The following PARD3B variants were observed in gnomAD, a reference collection of about 807,000 sequenced individuals.
PARD3B encodes partitioning defective 3 homolog B.
A neutral mutation model predicts 130.2 loss-of-function variants in PARD3B; 103 were observed. That is an observed-to-expected ratio of 0.79 (90% confidence interval 0.67 to 0.93). The LOEUF (loss-of-function observed/expected upper bound fraction) is 0.93. Ranked by LOEUF, PARD3B falls within the 40% of genes least tolerant of loss-of-function variation. The pLI is 0.00. For synonymous variants in PARD3B, 583 were observed against 553.2 expected, an observed-to-expected ratio of 1.05 and a Z score of -0.76; for missense variants, 1,609 against 1,499.2, an observed-to-expected ratio of 1.07 and a Z score of -1.21.
At chr2:205,416,432 T>C (rs1261020470) in intron 19 of PARD3B, among the ~76,000 whole-genome samples, 2 of 152,108 alleles carry the variant, frequency 1.3e-5, no homozygotes, top group Non-Finnish European at 2.9e-5. Flanking sequence ...GTGAAGAGAA[T>C]TAGGTTCTTG....
At chr2:205,174,792 G>A (rs1250989336) in intron 12 of PARD3B, among the ~76,000 whole-genome samples, 3 of 152,174 alleles carry the variant, frequency 2.0e-5, no homozygotes, top group South Asian at 4.1e-4. Context: ...GATTTTTCCC[G>A]CATTACCCAG....
chr2:204,753,891 A>C (rs2125393790), intron 2 of PARD3B, among the ~76,000 whole-genome samples: 1 of 152,272 alleles, frequency 6.6e-6, no homozygotes, highest in South Asian at 2.1e-4. Flanking sequence ...ATCTCTACCA[A>C]AAAATTAAAA....
At chr2:204,608,084 G>C (rs545568087) in intron 1 of PARD3B, among the ~76,000 whole-genome samples, 27 of 152,266 alleles carry the variant, frequency 1.8e-4, no homozygotes, top group African/African-American at 5.3e-4. Context: ...AGCCCCAGCA[G>C]TTAGCTACTG....
chr2:205,170,034 G>A (rs1280854695), intron 11 of PARD3B, among the ~76,000 whole-genome samples: 3 of 150,852 alleles, frequency 2.0e-5, no homozygotes, highest in South Asian at 2.1e-4. Context: ...CGGTTCAAGC[G>A]ATTCTCCTGC....
chr2:204,898,923 A>T (rs2046745875), intron 2 of PARD3B, among the ~76,000 whole-genome samples: 1 of 152,098 alleles, frequency 6.6e-6, no homozygotes, highest in Non-Finnish European at 1.5e-5. Flanking sequence ...TTCAAGTCTG[A>T]TATAAGTATA....
chr2:204,881,192 C>T (rs897004242), intron 2 of PARD3B, among the ~76,000 whole-genome samples: 6 of 152,126 alleles, frequency 3.9e-5, no homozygotes, highest in African/African-American at 1.4e-4. Context: ...CTTTTGTTTT[C>T]AAAGTATGCC....
intron 21 of PARD3B, among the ~76,000 whole-genome samples, chr2:205,532,338 G>A (rs1378186934): frequency 1.3e-5 from 2 of 152,036 alleles, no homozygotes; most frequent in Non-Finnish European, 2.9e-5. Context: ...TTGAACACAG[G>A]TGTCATAAAA....
intron 20 of PARD3B, among the ~76,000 whole-genome samples, chr2:205,456,175 A>G (rs1266264245): frequency 6.6e-6 from 1 of 152,034 alleles, no homozygotes; most frequent in Non-Finnish European, 1.5e-5. Flanking sequence ...CTATTTGCTT[A>G]ATCATATTGG....
intron 22 of PARD3B, among the ~76,000 whole-genome samples, chr2:205,604,563 G>A (rs2054914047): frequency 6.6e-6 from 1 of 152,152 alleles, no homozygotes; most frequent in African/African-American, 2.4e-5. Context: ...TAGGGTTTCT[G>A]CTGACAAGTC....
intron 3 of PARD3B, among the ~76,000 whole-genome samples, chr2:205,000,360 T>G (rs1325530993): frequency 6.6e-6 from 1 of 152,226 alleles, no homozygotes; most frequent in Non-Finnish European, 1.5e-5. Context: ...TGATATTTAT[T>G]GAGTGTGTGT....
At position 205,105,058 on chromosome 2, in the gene PARD3B, T is replaced by A. The variant is rs943486542; in HGVS notation, c.593+544T>A. Among the ~76,000 whole-genome samples the A allele has an allele frequency of 6.6e-6, 1 of 152,204 alleles. No homozygotes were observed. The highest frequency in any genetic ancestry group is 2.4e-5 in the African/African-American group (1 of 41,458). On this transcript the variant is annotated intron_variant, in intron 5 of 22. Coordinates refer to ENST00000406610, the MANE Select transcript of PARD3B (RefSeq NM_001302769.2). The surrounding 1 kb of genome is among the most constrained non-coding windows in gnomAD (Gnocchi z 4.0). ...ATGTTTCCCAGTACTTTCTTTGCTT[T>A]GCATTGATTCCCAGTTCAGCTCTAG...
intron 21 of PARD3B, among the ~76,000 whole-genome samples, chr2:205,504,242 T>A (rs1300807880): frequency 6.6e-6 from 1 of 152,108 alleles, no homozygotes; most frequent in East Asian, 1.9e-4. Context: ...AAAAATTAAT[T>A]CAAGATGGAT....
intron 2 of PARD3B, among the ~76,000 whole-genome samples, chr2:204,748,418 ATGACCTCG>A (rs2040332341): frequency 6.6e-6 from 1 of 152,074 alleles, no homozygotes; most frequent in Non-Finnish European, 1.5e-5. Flanking sequence ...ATGTCCTGCT[ATGACCTCG>A]TGACATTTTT....
At position 205,407,721 on chromosome 2, in the gene PARD3B, C is replaced by T. The variant is rs890915115; in HGVS notation, c.2741+6598C>T. On this transcript the variant is annotated intron_variant, in intron 19 of 22. Transcript: ENST00000406610. This position sits in a 1 kb window ranked among gnomAD's most constrained non-coding sequence, Gnocchi z 4.1. ...ATTACTATCCTGAGAAAAATATCTC[C>T]ACTGACACCAAAGACTGTCTTCCAT... Among the ~76,000 whole-genome samples the T allele has an allele frequency of 1.3e-5, 2 of 152,120 alleles. No individual in the cohort carries two copies. Among genetic ancestry groups the T allele is most frequent in the African/African-American group, 2.4e-5 (1 of 41,438 alleles).
rs1346057711 is a variant in PARD3B, at chr2:205,274,706, A to G, written c.2186-25824A>G. On this transcript the variant is annotated intron_variant, in intron 16 of 22. Transcript: ENST00000406610. The surrounding 1 kb of genome is among the most constrained non-coding windows in gnomAD (Gnocchi z 4.2). ...CTATCTGAATATTAATTCTTCAGTT[A>G]GCACCAAATGCAGAATTTATTATGC... Among the ~76,000 whole-genome samples, 3 of 152,130 alleles carry G rather than the reference A, an allele frequency of 2.0e-5. No homozygotes were observed. Among genetic ancestry groups the G allele is most frequent in the Non-Finnish European group, 4.4e-5 (3 of 68,016 alleles).
At chr2:204,946,775 G>A (rs1463298788) in intron 2 of PARD3B, among the ~76,000 whole-genome samples, 2 of 152,178 alleles carry the variant, frequency 1.3e-5, no homozygotes, top group Admixed American at 6.5e-5. Context: ...GCTGACATAT[G>A]ATTCCAGTCC....
chr2:204,707,224 C>T (rs147811131), intron 2 of PARD3B, among the ~76,000 whole-genome samples: 30 of 152,290 alleles, frequency 2.0e-4, no homozygotes, highest in African/African-American at 7.2e-4. Context: ...ATCCAGACCA[C>T]ATGAAGCCCG....
intron 1 of PARD3B, among the ~76,000 whole-genome samples, chr2:204,549,572 T>C (rs1336510853): frequency 6.6e-6 from 1 of 152,036 alleles, no homozygotes; most frequent in Non-Finnish European, 1.5e-5. Context: ...GGGTTAGGAG[T>C]GGGTCCTGGG....
intron 3 of PARD3B, among the ~76,000 whole-genome samples, chr2:205,035,026 G>A (rs2125372631): frequency 6.6e-6 from 1 of 151,898 alleles, no homozygotes; most frequent in Admixed American, 6.6e-5. Context: ...ACGCCCGGCT[G>A]ATTTTTTTGT....
Sources: gnomAD v4.1 joint callset for allele counts (sites outside exome capture counted in the v4.1 genomes callset) on GRCh38, gnomAD v4.1.1 for gene constraint, Gnocchi (gnomAD v3.1) non-coding constraint, MANE v1.5 for transcripts, NCBI Gene and HGNC (gene_info 2026-07-23, HGNC 2026-07-21) for gene names.